Variants in SUPT7L observed in about 807,000 individuals in gnomAD.
SUPT7L encodes the protein STAGA complex 65 subunit gamma.
SUPT7L carries 15 observed loss-of-function variants against 35.7 expected under a neutral mutation model. The observed-to-expected ratio is 0.42, with a 90% CI of 0.28 to 0.65. The LOEUF is 0.65. Among genes scored for constraint, SUPT7L ranks in the 30% least tolerant of loss-of-function variants. SUPT7L has a pLI of 0.23. For synonymous variants in SUPT7L, 168 were observed against 186.2 expected, an observed-to-expected ratio of 0.90 and a Z score of 0.79; for missense variants, 434 against 522.2, an observed-to-expected ratio of 0.83 and a Z score of 1.65.
downstream of SUPT7L, chr2:27,648,021 T>A: frequency 1.2e-6 from 1 of 808,554 alleles, no homozygotes; most frequent in Non-Finnish European, 2.1e-6. Context: ...GTTTCTTGCT[T>A]TAAGCGTGTA....
the SUPT7L span, among the ~76,000 whole-genome samples, chr2:27,644,413 T>G: frequency 6.6e-6 from 1 of 152,222 alleles, no homozygotes; most frequent in Non-Finnish European, 1.5e-5. Flanking sequence ...TTCACGGTGT[T>G]ATTTTGCCAT....
At chr2:27,649,822 C>T (rs150858504), downstream of SUPT7L, among the ~76,000 whole-genome samples, 2 of 152,262 alleles carry the variant, frequency 1.3e-5, no homozygotes, top group Admixed American at 6.5e-5. Context: ...CAACTATAAA[C>T]GTTTCCAAAT....
chr2:27,655,610 C>A lies in SUPT7L; in HGVS notation c.745-8G>T. On this transcript the variant is annotated splice_polypyrimidine_tract_variant and splice_region_variant and intron_variant, in intron 4 of 5. Coordinates refer to ENST00000337768, the MANE Select transcript of SUPT7L (RefSeq NM_014860.3). ...AGAGAGTTGCTTACTAATCTGTTGGCAAGCAAGAGTCAATTTTCCAAGGAA... is the reference window on the plus strand; with the variant it reads ...AGAGAGTTGCTTACTAATCTGTTGGAAAGCAAGAGTCAATTTTCCAAGGAA... 1 of 1,554,568 alleles carries A rather than the reference C, an allele frequency of 6.4e-7. No individual in the cohort carries two copies. Among genetic ancestry groups the A allele is most frequent in the Non-Finnish European group, 8.7e-7 (1 of 1,150,278 alleles).
the SUPT7L span, among the ~76,000 whole-genome samples, chr2:27,642,954 TATATAC>T: frequency 1.7e-4 from 8 of 46,848 alleles, no homozygotes; most frequent in African/African-American, 3.3e-4. Context: ...TATATATATA[TATATAC>T]ACACACACAC....
At chr2:27,645,979 C>T (rs1454191711), downstream of SUPT7L, among the ~76,000 whole-genome samples, 9 of 151,312 alleles carry the variant, frequency 5.9e-5, no homozygotes, top group South Asian at 1.7e-3. Context: ...ATCTGCCCAC[C>T]TCAGCCACCC....
intron 1 of SUPT7L, 122 bp from the exon 2 acceptor site, chr2:27,662,403 A>T: frequency 5.5e-6 from 3 of 543,178 alleles, no homozygotes; most frequent in Middle Eastern, 3.7e-4. Context: ...GGGTGAAATG[A>T]CTACCTTTGT....
chr2:27,648,573 G>A (rs989343294), downstream of SUPT7L, among the ~76,000 whole-genome samples: 1 of 152,170 alleles, frequency 6.6e-6, no homozygotes, highest in African/African-American at 2.4e-5. Flanking sequence ...AGTAAGGATA[G>A]AATGGCTCTG....
the SUPT7L span, among the ~76,000 whole-genome samples, chr2:27,642,956 T>TACACACACACACACACACACAC: frequency 5.8e-5 from 5 of 85,732 alleles, no homozygotes; most frequent in East Asian, 3.1e-4. Flanking sequence ...TATATATATA[T>TACACACACACACACACACACAC]ATACACACAC....
chr2:27,649,264 C>A (rs1229718511), downstream of SUPT7L, among the ~76,000 whole-genome samples: 77 of 146,742 alleles, frequency 5.2e-4, no homozygotes, highest in East Asian at 8.1e-4. Flanking sequence ...AACAAACAAA[C>A]AAACAAAAAA....
Position 27,655,602 on chromosome 2 carries a change from T to C in SUPT7L, c.745A>G (p.Ile249Val). Residue 249 changes from isoleucine (I) to valine (V), a missense_variant and splice_region_variant, in exon 5 of 6, where the codon ATT becomes GTT. This residue lies in a region of SUPT7L where 159 missense variants were observed against 217.1 expected (regional missense o/e 0.73). Coordinates refer to ENST00000337768, the MANE Select transcript of SUPT7L (RefSeq NM_014860.3). ...IKDYHSYMLQ[I>V]SKQLSEEYER... Reference sequence around the variant, plus strand: ...TATTCTTCAGAGAGTTGCTTACTAATCTGTTGGCAAGCAAGAGTCAATTTT... The same window carrying C: ...TATTCTTCAGAGAGTTGCTTACTAACCTGTTGGCAAGCAAGAGTCAATTTT... 1 of 1,571,336 alleles carries C rather than the reference T, an allele frequency of 6.4e-7. No individual in the cohort carries two copies. Among genetic ancestry groups the C allele is most frequent in the Non-Finnish European group, 8.6e-7 (1 of 1,159,448 alleles).
chr2:27,653,865 G>T, intron 5 of SUPT7L, 118 bp from the exon 6 acceptor site: 1 of 1,297,304 alleles, frequency 7.7e-7, no homozygotes, highest in South Asian at 1.4e-5. Flanking sequence ...TTTTCACTCT[G>T]ATTCTGTACT....
chr2:27,649,476 T>C (rs893490023), downstream of SUPT7L, among the ~76,000 whole-genome samples: 16 of 152,188 alleles, frequency 1.1e-4, no homozygotes, highest in African/African-American at 3.6e-4. Context: ...ACAATCACAG[T>C]TGAAATGTAG....
chr2:27,647,897 AGAG>A, downstream of SUPT7L: 1 of 1,613,784 alleles, frequency 6.2e-7, no homozygotes, highest in Non-Finnish European at 8.5e-7. Flanking sequence ...CCTTGGATGA[AGAG>A]GATGAGGAAG....
downstream of SUPT7L, among the ~76,000 whole-genome samples, chr2:27,646,623 A>G (rs1016743769): frequency 1.3e-5 from 2 of 151,924 alleles, no homozygotes; most frequent in Admixed American, 6.6e-5. Flanking sequence ...ATGCAAGTCT[A>G]TTGCAGCTTA....
intron 2 of SUPT7L, 33 bp from the exon 3 acceptor site, chr2:27,661,421 T>C (rs761355734): frequency 4.3e-6 from 7 of 1,611,912 alleles, no homozygotes; most frequent in Non-Finnish European, 5.9e-6. Context: ...AGAAGAGGTC[T>C]CAGGATAAAT....
At chr2:27,662,350 T>G (rs1413846160) in intron 1 of SUPT7L, 69 bp from the exon 2 acceptor site, 2 of 762,394 alleles carry the variant, frequency 2.6e-6, no homozygotes, top group African/African-American at 3.5e-5. Context: ...GTTCTAGAGG[T>G]ATATGGACCT....
intron 4 of SUPT7L, 28 bp from the exon 5 acceptor site, chr2:27,655,630 A>T: frequency 1.3e-6 from 2 of 1,542,230 alleles, no homozygotes; most frequent in Non-Finnish European, 1.7e-6. Context: ...TCAATTTTCC[A>T]AGGAAATGTT....
intron 3 of SUPT7L, among the ~76,000 whole-genome samples, chr2:27,660,521 G>A (rs775318950): frequency 5.3e-5 from 8 of 152,158 alleles, no homozygotes; most frequent in Non-Finnish European, 1.0e-4. Context: ...ACTGTGCTCA[G>A]CTTATATTAT....
downstream of SUPT7L, chr2:27,650,134 A>G (rs747770976): frequency 3.1e-6 from 5 of 1,602,798 alleles, no homozygotes; most frequent in Non-Finnish European, 3.4e-6. Context: ...AAAGCCATGA[A>G]GAGCCAGCAT....
Sources: gnomAD v4.1 joint callset for allele counts (sites outside exome capture counted in the v4.1 genomes callset) on GRCh38, gnomAD v4.1.1 for gene constraint, gnomAD v4.1.1 regional missense constraint, MANE v1.5 for transcripts, NCBI Gene and HGNC (gene_info 2026-07-23, HGNC 2026-07-21) for gene names.